The following RHOBTB2 variants were observed in gnomAD, a reference collection of about 807,000 sequenced individuals.
RHOBTB2 encodes rho-related BTB domain-containing protein 2.
In RHOBTB2, 39 loss-of-function variants were observed where a neutral mutation model predicts 66.5. That is an observed-to-expected ratio of 0.59 (90% CI 0.45 to 0.77). RHOBTB2 has a LOEUF of 0.77. Among genes scored for constraint, RHOBTB2 ranks in the 30% least tolerant of loss-of-function variants. The probability of loss-of-function intolerance (pLI) is 0.00; values close to 1 mark genes in which losing one functional copy is unlikely to be tolerated. For synonymous variants in RHOBTB2, 390 were observed against 395.0 expected, an observed-to-expected ratio of 0.99 and a Z score of 0.15; for missense variants, 755 against 999.1, an observed-to-expected ratio of 0.76 and a Z score of 3.29.
In RHOBTB2 at chr8:23,020,144, G is replaced by C. The variant is rs963497044; in HGVS notation, c.*2675G>C. On this transcript the variant is annotated 3_prime_UTR_variant, in exon 10 of 10. Transcript: ENST00000251822. ...AAAAACCACACCTCTTTTTATATAA[G>C]GTTTCATATTTAATTTGGTCATGGA... is the stretch of plus-strand genomic sequence containing the variant. 2.5e-6 allele frequency: 1 copy of C among 392,760 alleles called. No individual in the cohort carries two copies. Among genetic ancestry groups the C allele is most frequent in the African/African-American group, 2.1e-5 (1 of 47,700 alleles). The allele number at this position is 392,760 out of a possible 1,614,324, so 24.3% of individuals were successfully genotyped here.
At chr8:22,981,729 C>T in the RHOBTB2 span, among the ~76,000 whole-genome samples, 1 of 152,162 alleles carries the variant, frequency 6.6e-6, no homozygotes, top group East Asian at 1.9e-4. Flanking sequence ...CCTGAAGCAA[C>T]TCAGTGTGTT....
At chr8:22,988,403 C>A (rs1202736152) in intron 1 of RHOBTB2, among the ~76,000 whole-genome samples, 8 of 151,880 alleles carry the variant, frequency 5.3e-5, no homozygotes, top group Admixed American at 5.3e-4. Flanking sequence ...CTCAAGTGAC[C>A]CGCCCACCTC....
Position 23,007,224 on chromosome 8 carries a change from C to T in RHOBTB2, c.979C>T (p.His327Tyr), listed in dbSNP as rs553849595. 42 of 1,608,754 alleles carry T rather than the reference C, an allele frequency of 2.6e-5. No homozygotes were observed. Among genetic ancestry groups the T allele is most frequent in the Admixed American group, 1.5e-4 (9 of 59,932 alleles). ...EDHQGHSDQH[H>Y]HHHHHHHGRD... ...CCACCAGGGCCACTCTGATCAACAC[C>T]ACCACCATCACCACCACCACCATGG... The change falls in exon 5 of 10, where the codon CAC becomes TAC. Residue 327 changes from histidine (H) to tyrosine (Y), a missense_variant. Around this residue, in one of 7 missense-constraint regions of RHOBTB2, gnomAD observed 247 missense variants for 238.9 expected, o/e 1.03. Transcript: ENST00000251822.
At chr8:23,000,333 C>T (rs751130876) in intron 1 of RHOBTB2, among the ~76,000 whole-genome samples, 1 of 152,198 alleles carries the variant, frequency 6.6e-6, no homozygotes, top group Admixed American at 6.5e-5. Context: ...TGCCCCTCCC[C>T]CTTCTCGATG....
upstream of RHOBTB2, among the ~76,000 whole-genome samples, chr8:22,997,263 A>G (rs1419438004): frequency 5.5e-4 from 7 of 12,724 alleles, no homozygotes; most frequent in Non-Finnish European, 3.0e-3. Flanking sequence ...AGGAACTCTG[A>G]TGATAAGAGG....
the RHOBTB2 span, among the ~76,000 whole-genome samples, chr8:22,963,578 G>T: frequency 6.6e-6 from 1 of 151,840 alleles, no homozygotes; most frequent in South Asian, 2.1e-4. Flanking sequence ...CCATTCTCAC[G>T]CCGCTGATAA....
intron 1 of RHOBTB2, among the ~76,000 whole-genome samples, chr8:23,002,527 A>G (rs917167751): frequency 1.3e-5 from 2 of 152,162 alleles, no homozygotes; most frequent in Admixed American, 1.3e-4. Context: ...CCCCGTATCT[A>G]CTAAAAATAC....
the RHOBTB2 span, among the ~76,000 whole-genome samples, chr8:22,965,919 C>G: frequency 6.6e-6 from 1 of 152,142 alleles, no homozygotes; most frequent in African/African-American, 2.4e-5. Flanking sequence ...AATAAACAAA[C>G]TGGACTCCAT....
At chr8:23,009,525 G>A (rs928995116) in intron 6 of RHOBTB2, among the ~76,000 whole-genome samples, 1 of 152,274 alleles carries the variant, frequency 6.6e-6, no homozygotes, top group South Asian at 2.1e-4. Flanking sequence ...CGTCCACACC[G>A]TTTCCCCTAC....
the RHOBTB2 span, among the ~76,000 whole-genome samples, chr8:22,965,832 CAT>C: frequency 6.6e-6 from 1 of 152,062 alleles, no homozygotes; most frequent in African/African-American, 2.4e-5. Context: ...TAGAAGAAAA[CAT>C]AGAGGCAAAG....
chr8:23,006,581 C>A lies in RHOBTB2; in HGVS notation c.483-147C>A. The A allele has an allele frequency of 1.3e-6, 1 of 775,812 alleles. No individual in the cohort carries two copies. Among genetic ancestry groups the A allele is most frequent in the Non-Finnish European group, 2.1e-6 (1 of 473,180 alleles). 48.1% of individuals were successfully genotyped at this position (775,812 alleles called of 1,614,324 possible). On this transcript the variant is annotated intron_variant, in intron 4 of 9. Coordinates refer to ENST00000251822, the MANE Select transcript of RHOBTB2 (RefSeq NM_015178.3). This position sits in a 1 kb window ranked among gnomAD's most constrained non-coding sequence, Gnocchi z 6.1. ...GGGCTTGGAGTGGACCTTGAAGGAG[C>A]TTGATGGGATTTGGCCAGACAGAGC...
Position 23,004,166 on chromosome 8 carries a change from C to G in RHOBTB2, c.-10-259C>G. On this transcript the variant is annotated intron_variant, in intron 1 of 9. Coordinates refer to ENST00000251822, the MANE Select transcript of RHOBTB2 (RefSeq NM_015178.3). This position sits in a 1 kb window ranked among gnomAD's most constrained non-coding sequence, Gnocchi z 6.4. The stretch of plus-strand genomic sequence containing the variant: ...CGCGTAGGTCTCCTTCATCCAGACG[C>G]ACAGCTGGAGGATCGTGGGAGCAGG... The G allele has an allele frequency of 5.8e-6, 3 of 513,678 alleles. No individual in the cohort carries two copies. Among genetic ancestry groups the G allele is most frequent in the Non-Finnish European group, 1.1e-5 (3 of 281,128 alleles). 31.8% of individuals were successfully genotyped at this position (513,678 alleles called of 1,614,324 possible). A position where few individuals can be genotyped will look rare whatever the true frequency, so the allele number is the denominator to read the frequency against.
chr8:22,962,179 C>CAAAAAAAAAAAAAAAAAAAAAAAAAAA, the RHOBTB2 span, among the ~76,000 whole-genome samples: 6 of 13,834 alleles, frequency 4.3e-4, 1 homozygote, highest in Admixed American at 1.4e-3. Context: ...AACGAATTTA[C>CAAAAAAAAAAAAAAAAAAAAAAAAAAA]AAAAAAAAAA....
chr8:22,978,646 C>T, the RHOBTB2 span, among the ~76,000 whole-genome samples: 9 of 149,864 alleles, frequency 6.0e-5, no homozygotes, highest in South Asian at 4.2e-4. Context: ...ATGTATTCCA[C>T]GTAACAGGAG....
chr8:23,012,926 C>T (rs531345349), intron 7 of RHOBTB2, among the ~76,000 whole-genome samples: 2 of 152,318 alleles, frequency 1.3e-5, no homozygotes, highest in Admixed American at 1.3e-4. Context: ...GCCTGAGCCT[C>T]CTGAGTAGCT....
chr8:23,009,095 G>T (rs1377118519), intron 6 of RHOBTB2, among the ~76,000 whole-genome samples: 1 of 150,690 alleles, frequency 6.6e-6, no homozygotes, highest in Admixed American at 6.6e-5. Context: ...GCTGAGGTGG[G>T]AGGATTGCCT....
At chr8:22,994,746 C>G (rs911061574), upstream of RHOBTB2, 4 of 795,512 alleles carry the variant, frequency 5.0e-6, no homozygotes, top group African/African-American at 7.0e-5. Context: ...AGACTGCAAG[C>G]ACTAGACCAA....
rs144933855 is a variant in RHOBTB2 at position 23,019,846 on chromosome 8, T to TG, written c.*2380dup. On this transcript the variant is annotated 3_prime_UTR_variant, in exon 10 of 10. Coordinates refer to ENST00000251822, the MANE Select transcript of RHOBTB2 (RefSeq NM_015178.3). ...AACCCGGCAGCCCAGAGAACTCTCC[T>TG]GGGAGGCTGTGGGTGAGCCAGGCCA... is the stretch of plus-strand genomic sequence containing the variant. 9.7e-4 allele frequency: 180 copies of TG among 185,066 alleles called. No homozygotes were observed. Among genetic ancestry groups the TG allele is most frequent in the African/African-American group, 4.1e-3 (174 of 42,000 alleles). 11.5% of individuals were successfully genotyped at this position (185,066 alleles called of 1,614,324 possible).
intron 7 of RHOBTB2, among the ~76,000 whole-genome samples, chr8:23,013,630 G>T (rs1456331032): frequency 1.3e-5 from 2 of 151,828 alleles, no homozygotes; most frequent in African/African-American, 2.4e-5. Context: ...CGAGTAGCTG[G>T]GATTACAGGC....
Sources: gnomAD v4.1 joint callset for allele counts (sites outside exome capture counted in the v4.1 genomes callset) on GRCh38, gnomAD v4.1.1 for gene constraint, gnomAD v4.1.1 regional missense constraint, Gnocchi (gnomAD v3.1) non-coding constraint, MANE v1.5 for transcripts, NCBI Gene and HGNC (gene_info 2026-07-23, HGNC 2026-07-21) for gene names.